Variants in CCSER1 observed in about 807,000 individuals in gnomAD.
CCSER1 encodes the protein serine-rich coiled-coil domain-containing protein 1.
A neutral mutation model predicts 82.0 loss-of-function variants in CCSER1; 41 were observed. The ratio of observed to expected loss-of-function variants is 0.50; its 90% confidence interval spans 0.39 to 0.65. The LOEUF is 0.65. Among genes scored for constraint, CCSER1 ranks in the 30% least tolerant of loss-of-function variants. CCSER1 has a pLI of 0.00. For missense variants in CCSER1, 1,119 were observed against 1,064.2 expected (o/e 1.05, Z -0.72); for synonymous variants, 414 against 383.9 (o/e 1.08, Z -0.92).
At chr4:91,573,103 C>T (rs1451448914) in intron 10 of CCSER1, among the ~76,000 whole-genome samples, 3 of 152,204 alleles carry the variant, frequency 2.0e-5, no homozygotes, top group Non-Finnish European at 2.9e-5. Context: ...AAGTGGCAGT[C>T]TGACCACATT....
intron 8 of CCSER1, among the ~76,000 whole-genome samples, chr4:90,888,890 T>C (rs1443357836): frequency 6.6e-6 from 1 of 152,184 alleles, no homozygotes; most frequent in African/African-American, 2.4e-5. Context: ...TAGATAGCTA[T>C]CAAAATTTGT....
chr4:91,079,126 T>G (rs927288578), intron 9 of CCSER1, among the ~76,000 whole-genome samples: 1 of 152,084 alleles, frequency 6.6e-6, no homozygotes, highest in Non-Finnish European at 1.5e-5. Context: ...CACATAATTT[T>G]CAGATTCACC....
chr4:90,659,561 T>C (rs1195500829), intron 6 of CCSER1, among the ~76,000 whole-genome samples: 1 of 152,106 alleles, frequency 6.6e-6, no homozygotes, highest in Non-Finnish European at 1.5e-5. Flanking sequence ...CCATGTATTG[T>C]GGGCTCCAAA....
At chr4:90,361,517 T>G (rs2153518690) in intron 3 of CCSER1, among the ~76,000 whole-genome samples, 1 of 152,306 alleles carries the variant, frequency 6.6e-6, no homozygotes, top group East Asian at 1.9e-4. Flanking sequence ...TAAGTTTTAT[T>G]TTGGGTTCGG....
At chr4:91,403,508 T>A (rs1179886184) in intron 10 of CCSER1, among the ~76,000 whole-genome samples, 8 of 152,190 alleles carry the variant, frequency 5.3e-5, no homozygotes, top group Non-Finnish European at 8.8e-5. Flanking sequence ...TTTTGCCCAC[T>A]CAGTATGATA....
At chr4:91,158,908 C>T (rs1731096469) in intron 10 of CCSER1, among the ~76,000 whole-genome samples, 1 of 151,936 alleles carries the variant, frequency 6.6e-6, no homozygotes, top group Admixed American at 6.5e-5. Flanking sequence ...GGCTTGCTAT[C>T]TCAAAAACAT....
intron 6 of CCSER1, among the ~76,000 whole-genome samples, chr4:90,723,335 T>C (rs1743019857): frequency 6.6e-6 from 1 of 151,950 alleles, no homozygotes; most frequent in African/African-American, 2.4e-5. Context: ...CTTACATTTG[T>C]GTAAATCTTT....
At chr4:91,271,261 G>C (rs1742002779) in intron 10 of CCSER1, among the ~76,000 whole-genome samples, 1 of 150,424 alleles carries the variant, frequency 6.6e-6, no homozygotes, top group Non-Finnish European at 1.5e-5. Context: ...GTTTTCTGTA[G>C]CATAGTACTT....
chr4:90,962,043 C>T (rs1464757356), intron 9 of CCSER1, among the ~76,000 whole-genome samples: 1 of 151,996 alleles, frequency 6.6e-6, no homozygotes, highest in Non-Finnish European at 1.5e-5. Flanking sequence ...AATGAGAATT[C>T]CCATTTAATT....
intron 4 of CCSER1, among the ~76,000 whole-genome samples, chr4:90,456,279 A>G (rs186651957): frequency 6.6e-6 from 1 of 152,314 alleles, no homozygotes; most frequent in Admixed American, 6.5e-5. Context: ...GAATAGATAG[A>G]CATCACATTG....
intron 10 of CCSER1, among the ~76,000 whole-genome samples, chr4:91,383,215 A>G (rs1346926895): frequency 1.3e-5 from 2 of 152,156 alleles, no homozygotes. Context: ...TGTATTGTGC[A>G]TTAAGTTCAA....
At chr4:90,614,020 G>T (rs1324765541) in intron 5 of CCSER1, among the ~76,000 whole-genome samples, 1 of 152,084 alleles carries the variant, frequency 6.6e-6, no homozygotes, top group Non-Finnish European at 1.5e-5. Flanking sequence ...AAGGTTTTTG[G>T]TAATCGTCTG....
intron 7 of CCSER1, among the ~76,000 whole-genome samples, chr4:90,790,770 C>T (rs1364680103): frequency 2.0e-5 from 3 of 152,160 alleles, no homozygotes; most frequent in East Asian, 3.9e-4. Context: ...TTCCCACATC[C>T]TCCTGTCTTC....
chr4:91,481,775 G>A (rs1189446750), intron 10 of CCSER1, among the ~76,000 whole-genome samples: 2 of 152,152 alleles, frequency 1.3e-5, no homozygotes, highest in Non-Finnish European at 2.9e-5. Context: ...CCCAGGTGGA[G>A]GATCTAATTA....
chr4:91,019,045 T>G (rs941305279), intron 9 of CCSER1, among the ~76,000 whole-genome samples: 5 of 152,082 alleles, frequency 3.3e-5, no homozygotes, highest in Non-Finnish European at 5.9e-5. Context: ...TGACAATGTC[T>G]CTCAATAAGT....
At chr4:90,944,790 T>G (rs2150338293) in intron 9 of CCSER1, among the ~76,000 whole-genome samples, 1 of 152,332 alleles carries the variant, frequency 6.6e-6, no homozygotes, top group Admixed American at 6.5e-5. Context: ...ACTAATTTTC[T>G]TGTTGACAGA....
intron 8 of CCSER1, among the ~76,000 whole-genome samples, chr4:90,876,950 A>C (rs540436666): frequency 6.6e-6 from 1 of 152,162 alleles, no homozygotes; most frequent in African/African-American, 2.4e-5. Context: ...TGTATGACTC[A>C]TCTTTTCTTT....
intron 10 of CCSER1, among the ~76,000 whole-genome samples, chr4:91,150,560 A>G (rs995989651): frequency 2.6e-5 from 4 of 152,146 alleles, no homozygotes; most frequent in African/African-American, 7.2e-5. Context: ...CTTGTGTGCC[A>G]GTTTTCAAAG....
At chr4:91,500,890 C>T (rs1759173533) in intron 10 of CCSER1, among the ~76,000 whole-genome samples, 1 of 151,860 alleles carries the variant, frequency 6.6e-6, no homozygotes, top group African/African-American at 2.4e-5. Flanking sequence ...TAGGTACTTA[C>T]CCAGTGCCTG....
Sources: allele counts gnomAD v4.1 joint callset (sites outside exome capture counted in the v4.1 genomes callset), GRCh38; gene constraint gnomAD v4.1.1; transcripts MANE v1.5; gene names NCBI Gene and HGNC (gene_info 2026-07-23, HGNC 2026-07-21).